NCALD: variants seen among roughly 807,000 people sequenced by gnomAD.
The protein encoded by NCALD is neurocalcin delta.
NCALD carries 10 observed loss-of-function variants against 18.6 expected under a neutral mutation model. The observed-to-expected ratio is 0.54, with a 90% CI of 0.33 to 0.91. NCALD has a LOEUF of 0.91. Ranked by LOEUF, NCALD falls within the 40% of genes least tolerant of loss-of-function variation. The pLI, the probability that NCALD is intolerant of heterozygous loss-of-function variation, is 0.03. For missense variants in NCALD, 184 were observed against 247.6 expected (o/e 0.74, Z 1.72); for synonymous variants, 88 against 87.4 (o/e 1.01, Z -0.04).
intron 4 of NCALD, among the ~76,000 whole-genome samples, chr8:101,839,002 TCTG>T (rs1814529546): frequency 6.6e-6 from 1 of 152,226 alleles, no homozygotes; most frequent in Non-Finnish European, 1.5e-5. Context: ...CTCCTTCTCT[TCTG>T]CTGATAAAGA....
chr8:101,911,859 A>G (rs559394396), intron 3 of NCALD, among the ~76,000 whole-genome samples: 1 of 152,294 alleles, frequency 6.6e-6, no homozygotes, highest in South Asian at 2.1e-4. Context: ...CACAATGATG[A>G]CATGATCCAA....
chr8:101,766,932 C>T (rs763579970), intron 1 of NCALD, among the ~76,000 whole-genome samples: 8 of 152,178 alleles, frequency 5.3e-5, no homozygotes, highest in Non-Finnish European at 1.0e-4. Flanking sequence ...TATACACACT[C>T]CTGTTTAATT....
chr8:101,729,379 C>A (rs1305772038), intron 1 of NCALD, among the ~76,000 whole-genome samples: 8 of 152,202 alleles, frequency 5.3e-5, no homozygotes, highest in Non-Finnish European at 1.0e-4. Flanking sequence ...CTCGCCTCTG[C>A]TAAGATGAGC....
intron 2 of NCALD, among the ~76,000 whole-genome samples, chr8:101,960,312 G>A (rs1305725107): frequency 6.6e-6 from 1 of 152,006 alleles, no homozygotes; most frequent in African/African-American, 2.4e-5. Context: ...AACTTACCCA[G>A]GGAAAAAATA....
rs368679709 is a variant in NCALD at position 101,848,020 on chromosome 8, A to C, written c.-20+39121T>G. On this transcript the variant is annotated intron_variant, in intron 4 of 6. Transcript: ENST00000311028. ...GGAAAAGAGAAGGAACAAACCTTAC[A>C]AAAGTTGATATAAAGAGACTTTGGG... 8.5e-5 allele frequency among the ~76,000 whole-genome samples: 13 copies of C among 152,316 alleles called. No individual in the cohort carries two copies. The East Asian group carries it at 1.7e-3, about 20-fold the overall frequency.
rs34321706 is a variant in NCALD at position 101,967,840 on chromosome 8, G to GACACAC, written c.-156-51988_-156-51983dup. On this transcript the variant is annotated intron_variant, in intron 2 of 6. Transcript: ENST00000311028. ...GCTTGTTGACACAGCTCTTAAAATTGACACACACACACACACACACACACA... is the reference window on the plus strand; with the variant it reads ...GCTTGTTGACACAGCTCTTAAAATTGACACACACACACACACACACACACACACACA... Among the ~76,000 whole-genome samples, 974 of 147,898 alleles carry GACACAC rather than the reference G, an allele frequency of 6.6e-3. 8 individuals are homozygous for GACACAC. The highest frequency in any genetic ancestry group is 0.022 in the African/African-American group (880 of 40,462).
intron 2 of NCALD, among the ~76,000 whole-genome samples, chr8:101,940,295 A>T (rs1393965442): frequency 6.6e-6 from 1 of 152,172 alleles, no homozygotes; most frequent in Non-Finnish European, 1.5e-5. Context: ...TTAGATATTG[A>T]TAAGAACTTA....
At chr8:101,972,598 G>C (rs961824301) in intron 2 of NCALD, among the ~76,000 whole-genome samples, 1 of 152,140 alleles carries the variant, frequency 6.6e-6, no homozygotes, top group Non-Finnish European at 1.5e-5. Context: ...TTTCTAGAAG[G>C]TTCATTACTA....
At chr8:101,749,731 C>T (rs1237310034) in intron 1 of NCALD, among the ~76,000 whole-genome samples, 1 of 152,194 alleles carries the variant, frequency 6.6e-6, no homozygotes, top group Admixed American at 6.5e-5. Context: ...ACTGATATCA[C>T]TGGGTGAGCC....
rs541530049 is a variant in NCALD at position 102,089,668 on chromosome 8, T to TA, written c.-210+34568dup. Reference sequence around the variant, plus strand: ...TAAAGAAAGTGAAAGGTGTTTTTGGTAAAAAAAAAAATTATAAAAAGTAAT... The same window carrying TA: ...TAAAGAAAGTGAAAGGTGTTTTTGGTAAAAAAAAAAAATTATAAAAAGTAAT... On this transcript the variant is annotated intron_variant, in intron 1 of 6. Coordinates refer to the NCALD transcript ENST00000311028. Among the ~76,000 whole-genome samples the TA allele has an allele frequency of 1.9e-3, 286 of 148,234 alleles. 3 individuals are homozygous for TA. Among genetic ancestry groups the TA allele is most frequent in the East Asian group, 3.7e-3 (19 of 5,116 alleles).
intron 3 of NCALD, among the ~76,000 whole-genome samples, chr8:101,892,983 C>G (rs1446121417): frequency 6.7e-6 from 1 of 148,780 alleles, no homozygotes; most frequent in Non-Finnish European, 1.5e-5. Context: ...GCAAGGCAGG[C>G]CAACATTCAG....
intron 2 of NCALD, among the ~76,000 whole-genome samples, chr8:101,994,460 C>T (rs1821163844): frequency 6.6e-6 from 1 of 152,322 alleles, no homozygotes. Flanking sequence ...GCCTTCTCTT[C>T]CTGATCCATC....
At chr8:101,919,931 G>C (rs552296772) in intron 2 of NCALD, among the ~76,000 whole-genome samples, 1 of 152,194 alleles carries the variant, frequency 6.6e-6, no homozygotes, top group Non-Finnish European at 1.5e-5. Context: ...CACACTGTTG[G>C]TGGGAATATA....
At chr8:101,720,689 C>G (rs1816312137) in intron 1 of NCALD, among the ~76,000 whole-genome samples, 1 of 152,168 alleles carries the variant, frequency 6.6e-6, no homozygotes. Flanking sequence ...ATATTTAAAG[C>G]TACTCCCTTA....
intron 2 of NCALD, among the ~76,000 whole-genome samples, chr8:101,707,138 C>T (rs191073850): frequency 2.0e-5 from 3 of 152,048 alleles, no homozygotes; most frequent in African/African-American, 7.2e-5. Context: ...TTTTTTTCCC[C>T]CAGAATCAGA....
At chr8:102,116,488 G>GT (rs1825791694) in intron 1 of NCALD, among the ~76,000 whole-genome samples, 2 of 151,424 alleles carry the variant, frequency 1.3e-5, no homozygotes, top group Admixed American at 1.3e-4. Context: ...TAGGGTGGTG[G>GT]TGTTGTTGTT....
intron 1 of NCALD, among the ~76,000 whole-genome samples, chr8:102,063,910 C>T (rs2132267995): frequency 6.6e-6 from 1 of 152,304 alleles, no homozygotes; most frequent in South Asian, 2.1e-4. Flanking sequence ...TCCCTAATTT[C>T]CCAGTATTTA....
intron 1 of NCALD, among the ~76,000 whole-genome samples, chr8:102,035,937 A>G (rs913018728): frequency 6.6e-6 from 1 of 152,106 alleles, no homozygotes; most frequent in Non-Finnish European, 1.5e-5. Context: ...ACATAGCCTA[A>G]TAATAATACT....
chr8:101,824,447 A>C (rs1408399944), intron 4 of NCALD, among the ~76,000 whole-genome samples: 2 of 151,924 alleles, frequency 1.3e-5, no homozygotes, highest in African/African-American at 4.8e-5. Flanking sequence ...ATCTATCCTC[A>C]TTACTTTATA....
Sources: allele counts gnomAD v4.1 joint callset (sites outside exome capture counted in the v4.1 genomes callset), GRCh38; gene constraint gnomAD v4.1.1; transcripts MANE v1.5; gene names NCBI Gene and HGNC (gene_info 2026-07-23, HGNC 2026-07-21).